The following PRKG1 variants were observed in gnomAD, a reference collection of about 807,000 sequenced individuals.
PRKG1 encodes the protein protein kinase cGMP-dependent 1.
Under a neutral mutation model 88.1 loss-of-function variants are expected in PRKG1, and 35 were observed. The ratio of observed to expected loss-of-function variants is 0.40; its 90% CI spans 0.30 to 0.53. PRKG1 has a LOEUF of 0.53. Ranked by LOEUF, PRKG1 falls within the 20% of genes least tolerant of loss-of-function variation. PRKG1 has a pLI of 0.59. For synonymous variants in PRKG1, 303 were observed against 292.5 expected (o/e 1.04, Z -0.37); for missense variants, 540 against 839.8 (o/e 0.64, Z 4.41).
intron 3 of PRKG1, among the ~76,000 whole-genome samples, chr10:51,693,287 C>CA (rs762828746): frequency 0.15 from 10,304 of 70,258 alleles, 634 homozygotes; most frequent in Non-Finnish European, 0.18. Flanking sequence ...GACACCACCT[C>CA]AAAAAAAAAA....
At chr10:51,708,669 T>C (rs1168460140) in intron 3 of PRKG1, among the ~76,000 whole-genome samples, 1 of 152,188 alleles carries the variant, frequency 6.6e-6, no homozygotes. Context: ...CCAGCTTTAT[T>C]CTGGTGTGTA....
chr10:51,450,418 A>G (rs566396504), intron 2 of PRKG1, among the ~76,000 whole-genome samples: 3 of 152,138 alleles, frequency 2.0e-5, no homozygotes, highest in South Asian at 2.1e-4. Flanking sequence ...CCAAAGACAT[A>G]TTAGTAACTC....
At chr10:52,095,444 T>C (rs2133330744) in intron 7 of PRKG1, among the ~76,000 whole-genome samples, 1 of 152,222 alleles carries the variant, frequency 6.6e-6, no homozygotes, top group East Asian at 1.9e-4. Flanking sequence ...GTTTATTTAT[T>C]TTAGTTGTTC....
chr10:51,058,084 A>G (rs1307808724), intron 1 of PRKG1, among the ~76,000 whole-genome samples: 1 of 152,068 alleles, frequency 6.6e-6, no homozygotes, highest in Non-Finnish European at 1.5e-5. Flanking sequence ...TTTAATCTAC[A>G]TTTCCCTGAT....
intron 2 of PRKG1, among the ~76,000 whole-genome samples, chr10:51,389,018 T>G (rs4935244): frequency 0.59 from 89,119 of 152,080 alleles, 26,848 homozygotes; most frequent in Middle Eastern, 0.71. Flanking sequence ...CTTAAATCTG[T>G]CTATCTAGGT....
At chr10:51,478,826 C>A (rs1370619521) in intron 3 of PRKG1, among the ~76,000 whole-genome samples, 1 of 150,528 alleles carries the variant, frequency 6.6e-6, no homozygotes, top group African/African-American at 2.4e-5. Flanking sequence ...AGTTTTGAGG[C>A]TACCAAATTA....
intron 5 of PRKG1, among the ~76,000 whole-genome samples, chr10:51,932,822 A>C (rs1044016722): frequency 3.3e-5 from 5 of 152,186 alleles, no homozygotes; most frequent in Non-Finnish European, 5.9e-5. Context: ...ACTGACAATA[A>C]AATCAACAAT....
intron 1 of PRKG1, among the ~76,000 whole-genome samples, chr10:51,037,305 T>TA (rs1398433515): frequency 6.7e-6 from 1 of 148,808 alleles, no homozygotes; most frequent in Non-Finnish European, 1.5e-5. Context: ...ATGCAAAAAA[T>TA]AAAAAAATAA....
chr10:52,259,258 C>A (rs1019072279), intron 10 of PRKG1, among the ~76,000 whole-genome samples: 1 of 151,884 alleles, frequency 6.6e-6, no homozygotes, highest in East Asian at 1.9e-4. Context: ...GGCGCTGCTC[C>A]CAGAAATAGA....
chr10:51,808,687 A>G (rs1429509393), intron 4 of PRKG1, among the ~76,000 whole-genome samples: 2 of 152,194 alleles, frequency 1.3e-5, no homozygotes, highest in African/African-American at 4.8e-5. Flanking sequence ...GCTTTAAAGC[A>G]GTCTGTGAAG....
chr10:51,822,482 C>T (rs552981707), intron 4 of PRKG1, among the ~76,000 whole-genome samples: 29 of 152,076 alleles, frequency 1.9e-4, no homozygotes, highest in South Asian at 8.3e-4. Flanking sequence ...GTAAGAGAAA[C>T]GTAGATAGAA....
At chr10:51,766,216 A>G (rs1838158550) in intron 3 of PRKG1, among the ~76,000 whole-genome samples, 1 of 149,426 alleles carries the variant, frequency 6.7e-6, no homozygotes, top group African/African-American at 2.6e-5. Flanking sequence ...TTGCTGTTTC[A>G]CAGTTAAATA....
At chr10:51,811,753 A>C (rs755252078) in intron 4 of PRKG1, among the ~76,000 whole-genome samples, 4 of 152,178 alleles carry the variant, frequency 2.6e-5, no homozygotes, top group Non-Finnish European at 4.4e-5. Flanking sequence ...TATTCTGTGA[A>C]GATCTTGCCT....
intron 1 of PRKG1, among the ~76,000 whole-genome samples, chr10:51,061,707 CT>C (rs1302341071): frequency 6.6e-6 from 1 of 152,064 alleles, no homozygotes; most frequent in Non-Finnish European, 1.5e-5. Flanking sequence ...TTGGACTTAT[CT>C]TCCAGTTTAC....
chr10:52,128,230 G>T lies in PRKG1; in HGVS notation c.936-5610G>T, dbSNP rs551075665. ...TAGTGTCGAGTTTCCATGAAGGCTG[G>T]CACTGAGAGAGTGCTGGGACTCTGT... is the stretch of plus-strand genomic sequence containing the variant. On this transcript the variant is annotated intron_variant, in intron 7 of 17. Transcript: ENST00000373980. 48 of 985,430 alleles carry T rather than the reference G, an allele frequency of 4.9e-5. No homozygotes were observed. The African/African-American group carries it at 7.8e-4, about 16-fold the overall frequency. 61.0% of individuals were successfully genotyped at this position (985,430 alleles called of 1,614,324 possible).
chr10:51,751,863 G>T (rs1025185094), intron 3 of PRKG1, among the ~76,000 whole-genome samples: 1 of 151,788 alleles, frequency 6.6e-6, no homozygotes, highest in Non-Finnish European at 1.5e-5. Context: ...CTAGTGCCTG[G>T]CCTACATAAG....
chr10:51,216,059 T>C (rs766820812), intron 2 of PRKG1, among the ~76,000 whole-genome samples: 29 of 152,204 alleles, frequency 1.9e-4, no homozygotes, highest in Non-Finnish European at 3.8e-4. Flanking sequence ...TTGTCTGCTA[T>C]TAGTGCTGGG....
intron 5 of PRKG1, among the ~76,000 whole-genome samples, chr10:51,939,172 C>T (rs766922442): frequency 7.2e-5 from 11 of 152,010 alleles, no homozygotes; most frequent in Non-Finnish European, 1.2e-4. Context: ...TGTCACCACA[C>T]ATTAATTGCC....
In PRKG1 at chr10:51,815,597, T is replaced by TTA. The variant is rs1400270533; in HGVS notation, c.698+10907_698+10908insTA. ...AGCGTCTTAGTGTGTACATTTCATC[T>TTA]GTCCTGAGAAGAGGCCAATACATCA... On this transcript the variant is annotated intron_variant, in intron 4 of 17. Transcript: ENST00000373980. Among the ~76,000 whole-genome samples the TTA allele has an allele frequency of 2.2e-3, 335 of 152,314 alleles. 2 individuals are homozygous for TTA. The highest frequency in any genetic ancestry group is 7.8e-3 in the African/African-American group (325 of 41,568).
Sources: gnomAD v4.1 joint callset for allele counts (sites outside exome capture counted in the v4.1 genomes callset) on GRCh38, gnomAD v4.1.1 for gene constraint, MANE v1.5 for transcripts, NCBI Gene and HGNC (gene_info 2026-07-23, HGNC 2026-07-21) for gene names.